ZNF571: variants seen among roughly 807,000 people sequenced by gnomAD.
ZNF571 encodes the protein zinc finger protein 571.
ZNF571 carries 4 observed loss-of-function variants against 7.7 expected under a neutral mutation model. The ratio of observed to expected loss-of-function variants is 0.52; its 90% CI spans 0.25 to 1.18. The LOEUF is 1.18. ZNF571 is among the 50% of genes most tolerant of loss of function. The pLI is 0.14. For synonymous variants in ZNF571, 251 were observed against 232.4 expected, an observed-to-expected ratio of 1.08 and a Z score of -0.73; for missense variants, 704 against 726.9, an observed-to-expected ratio of 0.97 and a Z score of 0.36.
chr19:37,584,151 A>AATGAGAAGAAAATGG (rs1429242387), intron 2 of ZNF571, 54 bp from the exon 3 acceptor site: 7 of 1,609,210 alleles, frequency 4.3e-6, no homozygotes, highest in Non-Finnish European at 5.9e-6. Flanking sequence ...TCTGAAGTGA[A>AATGAGAAGAAAATGG]ATGAGAAGAA....
intron 1 of ZNF571, among the ~76,000 whole-genome samples, chr19:37,589,807 G>C (rs1419151516): frequency 7.7e-6 from 1 of 129,568 alleles, no homozygotes; most frequent in Non-Finnish European, 1.6e-5. Context: ...GGAGGTTACA[G>C]TGAGCCAAGA....
In ZNF571 at chr19:37,589,296, A is replaced by G. The variant is rs558614565; in HGVS notation, c.-69-2551T>C. On this transcript the variant is annotated intron_variant, in intron 1 of 3. Coordinates refer to ENST00000451802, the MANE Select transcript of ZNF571 (RefSeq NM_016536.5). The stretch of plus-strand genomic sequence containing the variant: ...GGGGAAAATTCTGTATCTCACAATC[A>G]TATGAATAAATGTTCCTACATTTAA... Among the ~76,000 whole-genome samples, 8 of 152,202 alleles carry G rather than the reference A, an allele frequency of 5.3e-5. No homozygotes were observed. In the South Asian group the frequency reaches 1.7e-3, roughly 32 times the overall value.
chr19:37,581,280 T>C (rs1039128207), intron 3 of ZNF571, among the ~76,000 whole-genome samples: 2 of 152,152 alleles, frequency 1.3e-5, no homozygotes, highest in Non-Finnish European at 2.9e-5. Context: ...TTTTTAATAA[T>C]GATTAGCACA....
In ZNF571 at chr19:37,584,496, A is replaced by T. The variant is rs368121943; in HGVS notation, c.10-399T>A. Among the ~76,000 whole-genome samples the T allele has an allele frequency of 3.9e-5, 6 of 152,156 alleles. No individual in the cohort carries two copies. The South Asian group carries it at 1.2e-3, about 32-fold the overall frequency. Reference sequence around the variant, plus strand: ...CCTTTAAATACTTTTAAAAAGATGAATTTTTTTCCAAACAATGTTTACCAA... The same window carrying T: ...CCTTTAAATACTTTTAAAAAGATGATTTTTTTTCCAAACAATGTTTACCAA... On this transcript the variant is annotated intron_variant, in intron 2 of 3. Coordinates refer to ENST00000451802, the MANE Select transcript of ZNF571 (RefSeq NM_016536.5).
At chr19:37,586,788 G>A in intron 1 of ZNF571, 43 bp from the exon 2 acceptor site, 1 of 1,171,664 alleles carries the variant, frequency 8.5e-7, no homozygotes, top group Non-Finnish European at 1.2e-6. Flanking sequence ...TTGGCTCACA[G>A]CCCACAAAAT....
In ZNF571 at chr19:37,565,357, A is replaced by G; in HGVS notation, c.1071T>C (p.His357=). 6.2e-7 allele frequency: 1 copy of G among 1,613,794 alleles called. No individual in the cohort carries two copies. The highest frequency in any genetic ancestry group is 2.2e-5 in the East Asian group (1 of 44,844). ...ASQLNEHQRI[H]TGEKPYECKE... ...TACATTCATAGGGTTTCTCTCCTGT[A>G]TGAATTCTCTGATGTTCATTCAGTT... The change falls in exon 4 of 4, where the codon CAT becomes CAC. Residue 357 remains histidine (H), a synonymous_variant. Coordinates refer to ENST00000451802, the MANE Select transcript of ZNF571 (RefSeq NM_016536.5).
At chr19:37,584,597 T>C (rs1467075963) in intron 2 of ZNF571, among the ~76,000 whole-genome samples, 1 of 152,228 alleles carries the variant, frequency 6.6e-6, no homozygotes, top group East Asian at 1.9e-4. Flanking sequence ...AGTTATATTA[T>C]GTCACAGAAC....
chr19:37,579,791 C>T (rs916065631), intron 3 of ZNF571, among the ~76,000 whole-genome samples: 7 of 152,178 alleles, frequency 4.6e-5, no homozygotes, highest in Non-Finnish European at 8.8e-5. Context: ...TAGCAACCAG[C>T]ATCACCATAC....
intron 3 of ZNF571, among the ~76,000 whole-genome samples, chr19:37,576,462 C>A (rs1313725144): frequency 6.6e-6 from 1 of 152,160 alleles, no homozygotes; most frequent in Admixed American, 6.5e-5. Flanking sequence ...TAAAACCTTA[C>A]TCTACCATAC....
intron 3 of ZNF571, among the ~76,000 whole-genome samples, chr19:37,571,662 T>G (rs944549310): frequency 6.6e-6 from 1 of 152,210 alleles, no homozygotes; most frequent in Non-Finnish European, 1.5e-5. Flanking sequence ...ACCAAGGGGT[T>G]ACACAGAACT....
chr19:37,578,072 C>A (rs574852939), intron 3 of ZNF571, among the ~76,000 whole-genome samples: 6 of 152,274 alleles, frequency 3.9e-5, no homozygotes, highest in African/African-American at 1.4e-4. Context: ...AGGTTGCGGG[C>A]TCCTTATGAG....
intron 3 of ZNF571, 84 bp downstream of exon 3, chr19:37,583,887 T>TAGGGAATGGAGATCAGAAATTCAC: frequency 7.0e-7 from 1 of 1,419,292 alleles, no homozygotes; most frequent in Admixed American, 2.1e-5. Flanking sequence ...AGCCTTTCCT[T>TAGGGAATGGAGATCAGAAATTCAC]AGGGAATGGA....
chr19:37,593,790 G>A (rs1455406957), intron 1 of ZNF571, among the ~76,000 whole-genome samples: 3 of 152,102 alleles, frequency 2.0e-5, no homozygotes, highest in African/African-American at 7.2e-5. Context: ...TGTGGCTGGG[G>A]AGTAGAGCTA....
chr19:37,574,750 CCATCTCCTAATGAAAGTAT>C (rs2043186305), intron 3 of ZNF571, among the ~76,000 whole-genome samples: 4 of 152,134 alleles, frequency 2.6e-5, no homozygotes, highest in Non-Finnish European at 5.9e-5. Flanking sequence ...GTTTCAATAA[CCATCTCCTAATGAAAGTAT>C]TTTCTTCTCC....
rs1254090588 is a variant in ZNF571, at chr19:37,594,754, ACAAGCTCC to A, written c.-91_-84del. On this transcript the variant is annotated 5_prime_UTR_variant, in exon 1 of 4. Coordinates refer to ENST00000451802, the MANE Select transcript of ZNF571 (RefSeq NM_016536.5). The stretch of plus-strand genomic sequence containing the variant: ...CCGCCCACTCACCTGGCCGGCGCAG[ACAAGCTCC>A]GTGCGTCAAGACATAACAGCGTAAG... The A allele has an allele frequency of 6.6e-6, 1 of 152,190 alleles. No individual in the cohort carries two copies. Among genetic ancestry groups the A allele is most frequent in the Admixed American group, 6.5e-5 (1 of 15,282 alleles). 9.4% of individuals were successfully genotyped at this position (152,190 alleles called of 1,614,324 possible).
Position 37,564,580 on chromosome 19 carries a change from A to G in ZNF571, c.*18T>C, listed in dbSNP as rs2042778900. The stretch of plus-strand genomic sequence containing the variant: ...ATAGATGAAGATTTTCTTAAATTTA[A>G]TCACATTCAAGGCTTTCTCAATTAT... On this transcript the variant is annotated 3_prime_UTR_variant, in exon 4 of 4. Transcript: ENST00000451802. 1 of 1,459,050 alleles carries G rather than the reference A, an allele frequency of 6.9e-7. No individual in the cohort carries two copies. The highest frequency in any genetic ancestry group is 1.4e-5 in the African/African-American group (1 of 71,090). 90.4% of individuals were successfully genotyped at this position (1,459,050 alleles called of 1,614,324 possible).
rs117395496 is a variant in ZNF571 at position 37,578,519 on chromosome 19, C to T, written c.136+5452G>A. On this transcript the variant is annotated intron_variant, in intron 3 of 3. Transcript: ENST00000451802. The stretch of plus-strand genomic sequence containing the variant: ...CTGCTCAAGCCCATGTGGAGCACCA[C>T]AAGCCCCGGATCCCTGAGCAGCTTG... Among the ~76,000 whole-genome samples, 1,023 of 152,334 alleles carry T rather than the reference C, an allele frequency of 6.7e-3. 32 individuals are homozygous for T. Among genetic ancestry groups the T allele is most frequent in the East Asian group, 0.05 (259 of 5,172 alleles).
chr19:37,591,763 C>T (rs2043874832), intron 1 of ZNF571, among the ~76,000 whole-genome samples: 1 of 151,984 alleles, frequency 6.6e-6, no homozygotes, highest in Non-Finnish European at 1.5e-5. Flanking sequence ...AGGCTGGCCT[C>T]AAACTCCCGA....
Position 37,564,841 on chromosome 19 carries a change from A to AGGTTTTTCACCTCTGTGAATTCTC in ZNF571, c.1563_1586dup (p.Arg522_Pro529dup). 6.2e-7 allele frequency: 1 copy of AGGTTTTTCACCTCTGTGAATTCTC among 1,613,974 alleles called. No individual in the cohort carries two copies. Among genetic ancestry groups the AGGTTTTTCACCTCTGTGAATTCTC allele is most frequent in the Non-Finnish European group, 8.5e-7 (1 of 1,179,926 alleles). On this transcript the variant is annotated inframe_insertion, in exon 4 of 4. Transcript: ENST00000451802. ...CCTTCCCACACTGTTTACATTCATA[A>AGGTTTTTCACCTCTGTGAATTCTC]GGTTTTTCACCTCTGTGAATTCTCT...
Sources: allele counts gnomAD v4.1 joint callset (sites outside exome capture counted in the v4.1 genomes callset), GRCh38; gene constraint gnomAD v4.1.1; transcripts MANE v1.5; gene names NCBI Gene and HGNC (gene_info 2026-07-23, HGNC 2026-07-21).